Variants in PLCH1 observed in about 807,000 individuals in gnomAD.
The protein encoded by PLCH1 is 1-phosphatidylinositol 4,5-bisphosphate phosphodiesterase eta-1.
PLCH1 carries 60 observed loss-of-function variants against 126.7 expected under a neutral mutation model. The ratio of observed to expected loss-of-function variants is 0.47; its 90% confidence interval spans 0.38 to 0.59. The LOEUF (loss-of-function observed/expected upper bound fraction) is 0.59, where lower values mean the gene tolerates loss of function less well. Ranked by LOEUF, PLCH1 falls within the 20% of genes least tolerant of loss-of-function variation. PLCH1 has a pLI of 0.00. For missense variants in PLCH1, 1,723 were observed against 2,040.0 expected (o/e 0.84, Z 2.99); for synonymous variants, 719 against 734.9 (o/e 0.98, Z 0.35).
intron 2 of PLCH1, among the ~76,000 whole-genome samples, chr3:155,665,435 C>G (rs1742616358): frequency 6.6e-6 from 1 of 152,108 alleles, no homozygotes; most frequent in Admixed American, 6.5e-5. Context: ...GACATTCAGG[C>G]AAAGCAAAGA....
At chr3:155,590,587 A>C (rs1395531845) in intron 4 of PLCH1, among the ~76,000 whole-genome samples, 3 of 150,914 alleles carry the variant, frequency 2.0e-5, no homozygotes, top group South Asian at 2.1e-4. Context: ...CAAAAAAAAA[A>C]AAAATACAAA....
At chr3:155,591,680 C>G (rs1732191381) in intron 4 of PLCH1, among the ~76,000 whole-genome samples, 1 of 152,004 alleles carries the variant, frequency 6.6e-6, no homozygotes, top group Non-Finnish European at 1.5e-5. Context: ...TCTAATATGA[C>G]AAGTATCAAT....
At chr3:155,594,821 T>C (rs1251788959) in intron 3 of PLCH1, among the ~76,000 whole-genome samples, 1 of 152,242 alleles carries the variant, frequency 6.6e-6, no homozygotes, top group Non-Finnish European at 1.5e-5. Flanking sequence ...GCAATGACTA[T>C]GTCAAATTTG....
rs751161366 is a variant in PLCH1 at position 155,640,157 on chromosome 3, A to G, written c.80-43779T>C. 2.6e-5 allele frequency among the ~76,000 whole-genome samples: 4 copies of G among 152,342 alleles called. No homozygotes were observed. The South Asian group carries it at 6.2e-4, about 24-fold the overall frequency. On this transcript the variant is annotated intron_variant, in intron 2 of 22. Transcript: ENST00000460012. ...GGAAAGACATCTAAACAAGTGAGCT[A>G]CAGGGTGGCCATTTCCAAACATGCC...
At chr3:155,499,115 G>A (rs1717511795) in intron 14 of PLCH1, among the ~76,000 whole-genome samples, 1 of 152,208 alleles carries the variant, frequency 6.6e-6, no homozygotes, top group Non-Finnish European at 1.5e-5. Context: ...CATAGTGGGT[G>A]TGAAGAGGTA....
At chr3:155,736,325 G>A (rs1749171581) in intron 1 of PLCH1, among the ~76,000 whole-genome samples, 1 of 152,188 alleles carries the variant, frequency 6.6e-6, no homozygotes. Context: ...GAGAAAAGTT[G>A]TGGTTTAGAG....
At chr3:155,683,532 G>A (rs1225241881) in intron 2 of PLCH1, among the ~76,000 whole-genome samples, 2 of 152,110 alleles carry the variant, frequency 1.3e-5, no homozygotes, top group African/African-American at 2.4e-5. Flanking sequence ...ACTATCTTTG[G>A]TAATGACTCA....
chr3:155,530,356 C>T (rs6768491), intron 10 of PLCH1, among the ~76,000 whole-genome samples: 10 of 148,542 alleles, frequency 6.7e-5, no homozygotes, highest in African/African-American at 2.5e-4. Context: ...GATGGAGTCT[C>T]GCTCTGTCGC....
In PLCH1 at chr3:155,459,203, A is replaced by G. The variant is rs150988586; in HGVS notation, c.2938+26153T>C. ...TGGCAGTGGTTAGATACTTATGATG[A>G]CATTGAAATCCTTGATAGGTAGTAT... is the stretch of plus-strand genomic sequence containing the variant. On this transcript the variant is annotated intron_variant, in intron 21 of 21. Transcript: ENST00000494598. Among the ~76,000 whole-genome samples the G allele has an allele frequency of 1.5e-3, 231 of 152,318 alleles. 1 individual carries two copies. The highest frequency in any genetic ancestry group is 5.2e-3 in the African/African-American group (216 of 41,562).
chr3:155,744,315 A>C (rs1001977362), intron 1 of PLCH1, among the ~76,000 whole-genome samples: 1 of 152,162 alleles, frequency 6.6e-6, no homozygotes, highest in Admixed American at 6.5e-5. Context: ...AATGGAGTAT[A>C]TCCTCCTCGC....
intron 6 of PLCH1, among the ~76,000 whole-genome samples, chr3:155,568,944 T>C (rs1312197335): frequency 6.6e-6 from 1 of 152,180 alleles, no homozygotes; most frequent in Non-Finnish European, 1.5e-5. Context: ...GTTTATATTA[T>C]TAATAGTGTG....
chr3:155,541,800 A>G (rs1266947188), intron 10 of PLCH1, among the ~76,000 whole-genome samples: 1 of 141,866 alleles, frequency 7.0e-6, no homozygotes, highest in African/African-American at 2.6e-5. Context: ...TAGAGTTGCC[A>G]CAAACCTTCA....
At chr3:155,614,351 T>C (rs949644293) in intron 2 of PLCH1, among the ~76,000 whole-genome samples, 1 of 151,648 alleles carries the variant, frequency 6.6e-6, no homozygotes, top group Non-Finnish European at 1.5e-5. Flanking sequence ...CAAGACTAAG[T>C]AGAAAGAACA....
chr3:155,479,590 T>G (rs1031315013), downstream of PLCH1, among the ~76,000 whole-genome samples: 1 of 149,384 alleles, frequency 6.7e-6, no homozygotes, highest in Non-Finnish European at 1.5e-5. Context: ...CTACCACCGC[T>G]TCCCTCCCAC....
chr3:155,718,684 T>G (rs571378547), intron 1 of PLCH1, among the ~76,000 whole-genome samples: 3 of 152,060 alleles, frequency 2.0e-5, no homozygotes, highest in Non-Finnish European at 4.4e-5. Flanking sequence ...AACAACCAGA[T>G]CTTTCGAGAT....
chr3:155,742,649 T>C (rs1749717538), intron 1 of PLCH1: 3 of 152,348 alleles, frequency 2.0e-5, no homozygotes, highest in South Asian at 4.1e-4. Context: ...ACAAAGTATC[T>C]GAACCTGAAA....
intron 2 of PLCH1, among the ~76,000 whole-genome samples, chr3:155,667,903 TAAAAAAAA>T (rs35373040): frequency 2.4e-4 from 18 of 75,590 alleles, no homozygotes; most frequent in Admixed American, 4.9e-4. Context: ...CATCTCTACT[TAAAAAAAA>T]AAAAAAAAAA....
At chr3:155,608,019 G>C (rs147248080) in intron 2 of PLCH1, among the ~76,000 whole-genome samples, 1 of 152,254 alleles carries the variant, frequency 6.6e-6, no homozygotes, top group African/African-American at 2.4e-5. Context: ...CTTTGAACTT[G>C]AAAACTTTCA....
chr3:155,632,714 C>A (rs1024541389), intron 2 of PLCH1, among the ~76,000 whole-genome samples: 4 of 152,106 alleles, frequency 2.6e-5, no homozygotes, highest in African/African-American at 9.7e-5. Context: ...AAAGTTATAT[C>A]CTGATTTATG....
Sources: gnomAD v4.1 joint callset for allele counts (sites outside exome capture counted in the v4.1 genomes callset) on GRCh38, gnomAD v4.1.1 for gene constraint, MANE v1.5 for transcripts, NCBI Gene and HGNC (gene_info 2026-07-23, HGNC 2026-07-21) for gene names.